The following DAB1 variants were observed in gnomAD, a reference collection of about 807,000 sequenced individuals.
The protein encoded by DAB1 is DAB adaptor protein 1.
Under a neutral mutation model 64.6 loss-of-function variants are expected in DAB1, and 15 were observed. The ratio of observed to expected loss-of-function variants is 0.23; its 90% CI spans 0.16 to 0.36. The LOEUF (loss-of-function observed/expected upper bound fraction) is 0.36. Among genes scored for constraint, DAB1 ranks in the 10% least tolerant of loss-of-function variants. The probability of loss-of-function intolerance (pLI) is 1.00; values close to 1 mark genes in which losing one functional copy is unlikely to be tolerated. For synonymous variants in DAB1, 235 were observed against 251.9 expected (o/e 0.93, Z 0.64); for missense variants, 596 against 706.7 (o/e 0.84, Z 1.78).
At chr1:57,386,490 C>A (rs1681865956) in intron 1 of DAB1, 1 of 151,920 alleles carries the variant, frequency 6.6e-6, no homozygotes, top group South Asian at 2.1e-4. Flanking sequence ...AACAAAACAA[C>A]CTGAGACTGA....
At chr1:58,485,265 GGAAGTAAAAAAGCTGGGTTT>G (rs1232445939) in intron 3 of DAB1, among the ~76,000 whole-genome samples, 24 of 135,428 alleles carry the variant, frequency 1.8e-4, no homozygotes, top group Admixed American at 4.9e-4. Flanking sequence ...AAGCTGGCCT[GGAAGTAAAAAAGCTGGGTTT>G]AGAACCTGTT....
In DAB1 at chr1:57,145,503, G is replaced by C. The variant is rs74074204; in HGVS notation, c.68-74C>G. 8,084 of 1,500,074 alleles carry C rather than the reference G, an allele frequency of 5.4e-3. 401 individuals are homozygous for C. The African/African-American group carries it at 0.098, about 18-fold the overall frequency. 92.9% of individuals were successfully genotyped at this position (1,500,074 alleles called of 1,614,324 possible). On this transcript the variant is annotated intron_variant, in intron 2 of 14. Transcript: ENST00000371236. Reference sequence around the variant, plus strand: ...TGGCTTTGAGTATCCACAATTCCAAGATCCGCTGTCTGGTTTCATCTACAT... The same window carrying C: ...TGGCTTTGAGTATCCACAATTCCAACATCCGCTGTCTGGTTTCATCTACAT...
intron 6 of DAB1, among the ~76,000 whole-genome samples, chr1:57,694,253 C>A (rs1403318201): frequency 6.6e-6 from 1 of 152,046 alleles, no homozygotes; most frequent in East Asian, 1.9e-4. Flanking sequence ...CAAATGCTAT[C>A]AATGCTGGAT....
intron 2 of DAB1, among the ~76,000 whole-genome samples, chr1:57,154,831 T>C (rs2100858962): frequency 6.6e-6 from 1 of 152,366 alleles, no homozygotes; most frequent in East Asian, 1.9e-4. Flanking sequence ...TGTTTGCCAT[T>C]TGAATGTCTT....
chr1:57,163,930 G>T (rs969272573), intron 2 of DAB1, among the ~76,000 whole-genome samples: 26 of 152,142 alleles, frequency 1.7e-4, no homozygotes, highest in Non-Finnish European at 3.2e-4. Flanking sequence ...TGGTTGTGTG[G>T]AGAGTATGCA....
intron 1 of DAB1, among the ~76,000 whole-genome samples, chr1:57,846,790 G>A (rs2101922620): frequency 6.6e-6 from 1 of 152,304 alleles, no homozygotes; most frequent in Admixed American, 6.5e-5. Context: ...GGCACAGTAA[G>A]AGAACGAAAC....
At chr1:57,018,807 G>T (rs1251313588) in intron 11 of DAB1, among the ~76,000 whole-genome samples, 1 of 152,168 alleles carries the variant, frequency 6.6e-6, no homozygotes, top group East Asian at 1.9e-4. Flanking sequence ...GCGTCCTTGG[G>T]GGTCAGCTCC....
chr1:57,967,949 T>A (rs183419122), intron 5 of DAB1, among the ~76,000 whole-genome samples: 1 of 152,300 alleles, frequency 6.6e-6, no homozygotes, highest in East Asian at 1.9e-4. Flanking sequence ...CAGGAACACA[T>A]CCTTGTGATT....
At chr1:57,896,667 C>T (rs1459285519) in intron 5 of DAB1, among the ~76,000 whole-genome samples, 1 of 151,834 alleles carries the variant, frequency 6.6e-6, no homozygotes, top group Non-Finnish European at 1.5e-5. Context: ...TATAAGCTCT[C>T]CCATCTTTAT....
upstream of DAB1, among the ~76,000 whole-genome samples, chr1:57,424,274 C>T (rs1685170381): frequency 6.6e-6 from 1 of 151,528 alleles, no homozygotes; most frequent in South Asian, 2.1e-4. Flanking sequence ...GCTCTCTGCG[C>T]AGCCGGAGCG....
chr1:57,245,219 C>A (rs982701853), intron 2 of DAB1, among the ~76,000 whole-genome samples: 1 of 152,124 alleles, frequency 6.6e-6, no homozygotes. Flanking sequence ...TTTGCCCCTG[C>A]CCTAGAAATC....
At chr1:58,407,429 T>A (rs1644626814) in intron 3 of DAB1, among the ~76,000 whole-genome samples, 1 of 152,202 alleles carries the variant, frequency 6.6e-6, no homozygotes, top group South Asian at 2.1e-4. Flanking sequence ...GGATATTTGC[T>A]GGATAATGAA....
At chr1:58,476,214 C>T (rs1219144200) in intron 3 of DAB1, among the ~76,000 whole-genome samples, 2 of 150,896 alleles carry the variant, frequency 1.3e-5, no homozygotes, top group Non-Finnish European at 2.9e-5. Flanking sequence ...GGTACTCAAA[C>T]TAATTAAAAT....
chr1:58,068,156 G>A (rs1452420982), intron 5 of DAB1, among the ~76,000 whole-genome samples: 1 of 152,206 alleles, frequency 6.6e-6, no homozygotes, highest in African/African-American at 2.4e-5. Flanking sequence ...CACTAGTGCA[G>A]ATGAGATGCC....
At chr1:57,163,248 A>C (rs1178333437) in intron 2 of DAB1, among the ~76,000 whole-genome samples, 1 of 152,226 alleles carries the variant, frequency 6.6e-6, no homozygotes, top group African/African-American at 2.4e-5. Flanking sequence ...GAAGGGGATA[A>C]AATAGTCTGA....
chr1:57,308,190 TA>T (rs2100723506), intron 1 of DAB1, among the ~76,000 whole-genome samples: 1 of 152,338 alleles, frequency 6.6e-6, no homozygotes, highest in East Asian at 1.9e-4. Flanking sequence ...GAGTTATCCC[TA>T]AAAAATGAGC....
chr1:57,548,132 T>C (rs896048562), intron 7 of DAB1, among the ~76,000 whole-genome samples: 3 of 152,220 alleles, frequency 2.0e-5, no homozygotes, highest in African/African-American at 7.2e-5. Flanking sequence ...AACCAGACTG[T>C]GAGCTTATAG....
intron 7 of DAB1, among the ~76,000 whole-genome samples, chr1:57,432,605 T>C (rs114319694): frequency 9.7e-4 from 147 of 152,254 alleles, no homozygotes; most frequent in Non-Finnish European, 1.6e-3. Flanking sequence ...GGTGGGGAAA[T>C]TGAGATTTAT....
upstream of DAB1, among the ~76,000 whole-genome samples, chr1:57,887,832 T>C (rs1644248688): frequency 6.6e-6 from 1 of 152,158 alleles, no homozygotes; most frequent in Non-Finnish European, 1.5e-5. Flanking sequence ...ATGGTGTTGG[T>C]TTTTCTGTGG....
Sources: gnomAD v4.1 joint callset for allele counts (sites outside exome capture counted in the v4.1 genomes callset) on GRCh38, gnomAD v4.1.1 for gene constraint, MANE v1.5 for transcripts, NCBI Gene and HGNC (gene_info 2026-07-23, HGNC 2026-07-21) for gene names.